Variants in DLG1 observed in about 807,000 individuals in gnomAD.
DLG1 encodes the protein discs large MAGUK scaffold protein 1, also known as disks large homolog 1.
A neutral mutation model predicts 123.4 loss-of-function variants in DLG1; 42 were observed. That is an observed-to-expected ratio of 0.34 (90% confidence interval 0.27 to 0.44). The LOEUF is 0.44. DLG1 is among the 20% of genes least tolerant of loss of function. DLG1 has a pLI of 1.00. For synonymous variants in DLG1, 317 were observed against 356.2 expected, an observed-to-expected ratio of 0.89 and a Z score of 1.24; for missense variants, 942 against 1,082.6, an observed-to-expected ratio of 0.87 and a Z score of 1.82.
chr3:197,069,342 T>C, intron 18 of DLG1, 82 bp from the exon 19 acceptor site: 1 of 887,598 alleles, frequency 1.1e-6, no homozygotes, highest in Non-Finnish European at 1.7e-6. Context: ...TGTTGAGATA[T>C]AAGCCATATA....
intron 18 of DLG1, among the ~76,000 whole-genome samples, chr3:197,074,336 C>G (rs1188474505): frequency 6.6e-6 from 1 of 152,086 alleles, no homozygotes; most frequent in Non-Finnish European, 1.5e-5. Context: ...GTCTGATAAT[C>G]AGTTACCATT....
intron 17 of DLG1, among the ~76,000 whole-genome samples, chr3:197,080,015 A>C (rs1399884461): frequency 6.6e-6 from 1 of 151,798 alleles, no homozygotes; most frequent in Non-Finnish European, 1.5e-5. Context: ...AAAAAACCCC[A>C]AACATAAAAC....
At position 197,110,053 on chromosome 3, in the gene DLG1, C is replaced by T. The variant is rs554968121; in HGVS notation, c.1444-5048G>A. Among the ~76,000 whole-genome samples the T allele has an allele frequency of 2.6e-5, 4 of 152,056 alleles. No homozygotes were observed. The South Asian group carries it at 6.2e-4, about 24-fold the overall frequency. On this transcript the variant is annotated intron_variant, in intron 13 of 24. Coordinates refer to ENST00000667157, the MANE Select transcript of DLG1 (RefSeq NM_001366207.1). Reference sequence around the variant, plus strand: ...TAATCAAGTTCTAGAAGTTTTTGGGCGAGTATTTATTCAAATATTCTTTCT... The same window carrying T: ...TAATCAAGTTCTAGAAGTTTTTGGGTGAGTATTTATTCAAATATTCTTTCT...
At chr3:197,072,916 C>T (rs186901460) in intron 18 of DLG1, among the ~76,000 whole-genome samples, 4 of 152,090 alleles carry the variant, frequency 2.6e-5, no homozygotes, top group African/African-American at 4.8e-5. Context: ...AGGCTGGTCT[C>T]GAATTCCTGA....
chr3:197,166,042 C>T (rs1801229654), intron 5 of DLG1, among the ~76,000 whole-genome samples: 1 of 152,150 alleles, frequency 6.6e-6, no homozygotes, highest in Non-Finnish European at 1.5e-5. Flanking sequence ...AATAGCCTGG[C>T]AAAGGGTGCT....
chr3:197,199,020 T>C (rs1296236417), intron 4 of DLG1, among the ~76,000 whole-genome samples: 3 of 152,240 alleles, frequency 2.0e-5, no homozygotes, highest in Admixed American at 2.0e-4. Context: ...CACATAACCA[T>C]ATACTTTAAA....
intron 11 of DLG1, among the ~76,000 whole-genome samples, chr3:197,126,522 C>T (rs982156843): frequency 6.7e-6 from 1 of 150,306 alleles, no homozygotes; most frequent in Non-Finnish European, 1.5e-5. Context: ...ATTCGTGGAA[C>T]AACTGTCACA....
At chr3:197,147,666 C>T (rs1577073630) in intron 6 of DLG1, among the ~76,000 whole-genome samples, 1 of 151,912 alleles carries the variant, frequency 6.6e-6, no homozygotes, top group African/African-American at 2.4e-5. Context: ...TTTGGGGACT[C>T]GGGAAAGCGT....
intron 5 of DLG1, among the ~76,000 whole-genome samples, chr3:197,183,406 G>A (rs992083356): frequency 1.3e-5 from 2 of 151,848 alleles, no homozygotes; most frequent in African/African-American, 2.4e-5. Context: ...AATATTTCTT[G>A]TTCCCCCTTT....
intron 3 of DLG1, among the ~76,000 whole-genome samples, chr3:197,288,775 A>C (rs528492297): frequency 1.3e-4 from 15 of 112,458 alleles, no homozygotes; most frequent in African/African-American, 4.1e-4. Flanking sequence ...TACATACATA[A>C]AATGGTAGAA....
intron 4 of DLG1, among the ~76,000 whole-genome samples, chr3:197,258,734 T>C (rs892737481): frequency 3.9e-5 from 6 of 152,192 alleles, no homozygotes; most frequent in African/African-American, 1.4e-4. Context: ...CCGCAGCCTT[T>C]AGTTCAAAAG....
intron 3 of DLG1, among the ~76,000 whole-genome samples, chr3:197,294,528 G>A (rs1776435857): frequency 6.6e-6 from 1 of 151,892 alleles, no homozygotes; most frequent in South Asian, 2.1e-4. Context: ...CGTGGTGGTG[G>A]GCACCTTTGG....
At chr3:197,249,008 C>T (rs1753118481) in intron 4 of DLG1, among the ~76,000 whole-genome samples, 1 of 151,918 alleles carries the variant, frequency 6.6e-6, no homozygotes, top group Non-Finnish European at 1.5e-5. Context: ...AGAAAGACTT[C>T]AAAGAAATAA....
rs561269474 is a variant in DLG1 at position 197,212,289 on chromosome 3, A to G, written c.319-17700T>C. Among the ~76,000 whole-genome samples the G allele has an allele frequency of 7.3e-4, 108 of 148,100 alleles. 19 individuals carry two copies. The Middle Eastern group carries it at 0.04, about 55-fold the overall frequency. On this transcript the variant is annotated intron_variant, in intron 4 of 24. Coordinates refer to ENST00000667157, the MANE Select transcript of DLG1 (RefSeq NM_001366207.1). ...TATGTTCAACATTAAGATGGAGGAA[A>G]GGATGCTTACTTGCCTCACTTGTTT... is the stretch of plus-strand genomic sequence containing the variant.
intron 14 of DLG1, among the ~76,000 whole-genome samples, chr3:197,102,374 T>C (rs183469617): frequency 2.0e-5 from 3 of 152,340 alleles, no homozygotes; most frequent in Non-Finnish European, 4.4e-5. Flanking sequence ...TATAAGATTA[T>C]CAACAAGGCA....
At chr3:197,234,991 C>A (rs1360997986) in intron 4 of DLG1, among the ~76,000 whole-genome samples, 1 of 152,112 alleles carries the variant, frequency 6.6e-6, no homozygotes, top group Non-Finnish European at 1.5e-5. Flanking sequence ...ACTTCTACGT[C>A]AGGCCATGAA....
intron 5 of DLG1, among the ~76,000 whole-genome samples, chr3:197,164,121 G>C (rs1800086105): frequency 6.6e-6 from 1 of 152,040 alleles, no homozygotes; most frequent in African/African-American, 2.4e-5. Context: ...GCCAGGCACA[G>C]TGGTTCACAC....
intron 11 of DLG1, among the ~76,000 whole-genome samples, chr3:197,122,950 ATAAT>A (rs1212723694): frequency 1.3e-5 from 2 of 152,150 alleles, no homozygotes; most frequent in African/African-American, 2.4e-5. Flanking sequence ...TAAAATTATG[ATAAT>A]TAAGAGACTG....
chr3:197,065,696 T>C lies in DLG1; in HGVS notation c.2200+12A>G. 1.3e-6 allele frequency: 2 copies of C among 1,552,584 alleles called. No homozygotes were observed. The highest frequency in any genetic ancestry group is 8.8e-7 in the Non-Finnish European group (1 of 1,132,104). On this transcript the variant is annotated intron_variant, in intron 21 of 24. Transcript: ENST00000667157. Reference sequence around the variant, plus strand: ...AGAGTAACAATTAAATGTTTTTGTTTGGTTTACTTACGAGGAACACAGGAT... The same window carrying C: ...AGAGTAACAATTAAATGTTTTTGTTCGGTTTACTTACGAGGAACACAGGAT...
Sources: gnomAD v4.1 joint callset for allele counts (sites outside exome capture counted in the v4.1 genomes callset) on GRCh38, gnomAD v4.1.1 for gene constraint, MANE v1.5 for transcripts, NCBI Gene and HGNC (gene_info 2026-07-23, HGNC 2026-07-21) for gene names.